PLEKHH2: variants seen among roughly 807,000 people sequenced by gnomAD.
The protein encoded by PLEKHH2 is pleckstrin homology domain-containing family H member 2.
A neutral mutation model predicts 187.9 loss-of-function variants in PLEKHH2; 129 were observed. The observed-to-expected ratio is 0.69, with a 90% CI of 0.59 to 0.79. PLEKHH2 has a LOEUF of 0.79. PLEKHH2 is among the 30% of genes least tolerant of loss of function. The probability of loss-of-function intolerance (pLI) is 0.00; values close to 1 mark genes in which losing one functional copy is unlikely to be tolerated. For synonymous variants in PLEKHH2, 686 were observed against 605.6 expected, an observed-to-expected ratio of 1.13 and a Z score of -1.95; for missense variants, 2,076 against 1,751.2, an observed-to-expected ratio of 1.19 and a Z score of -3.31.
intron 2 of PLEKHH2, among the ~76,000 whole-genome samples, chr2:43,660,605 G>A (rs1667022389): frequency 7.3e-6 from 1 of 137,516 alleles, no homozygotes; most frequent in South Asian, 2.4e-4. Context: ...ATCTCCCAAT[G>A]CCACCCCTCC....
intron 2 of PLEKHH2, among the ~76,000 whole-genome samples, chr2:43,672,169 A>C (rs752162301): frequency 9.2e-5 from 14 of 152,278 alleles, no homozygotes; most frequent in Admixed American, 1.3e-4. Context: ...TATGGGCATG[A>C]AGTATTTCAT....
chr2:43,654,279 C>G (rs144272564), intron 2 of PLEKHH2, among the ~76,000 whole-genome samples: 3,495 of 151,576 alleles, frequency 0.023, 50 homozygotes, highest in South Asian at 0.06. Flanking sequence ...ACTGCAACCT[C>G]CACCTCCCCG....
chr2:43,699,386 T>TA (rs950593370), intron 7 of PLEKHH2, among the ~76,000 whole-genome samples: 7 of 151,848 alleles, frequency 4.6e-5, no homozygotes, highest in Non-Finnish European at 7.4e-5. Context: ...TTTATTCCTT[T>TA]AAAAAAAATA....
chr2:43,672,396 T>G (rs1427995846), intron 2 of PLEKHH2, among the ~76,000 whole-genome samples: 3 of 152,206 alleles, frequency 2.0e-5, no homozygotes, highest in Admixed American at 2.0e-4. Flanking sequence ...TAATCTTTAT[T>G]GTTAGTTTTT....
intron 26 of PLEKHH2, among the ~76,000 whole-genome samples, chr2:43,758,626 G>A (rs997586554): frequency 6.6e-6 from 1 of 152,118 alleles, no homozygotes; most frequent in Non-Finnish European, 1.5e-5. Context: ...AAGTTTTGAT[G>A]GTAGATATTC....
Position 43,692,517 on chromosome 2 carries a change from C to A in PLEKHH2, c.190C>A (p.Gln64Lys), listed in dbSNP as rs1668850022. ...RQAEKAFQQV[Q>K]VMEDKLKAAN... ...ATATTTTATCCTTTGAATTTAGGTA[C>A]AAGTTATGGAAGATAAATTAAAAGC... The change falls in exon 4 of 30, where the codon CAA becomes AAA. Residue 64 changes from glutamine to lysine, a missense_variant. Transcript: ENST00000282406. The A allele has an allele frequency of 1.3e-6, 2 of 1,562,966 alleles. No homozygotes were observed. Among genetic ancestry groups the A allele is most frequent in the African/African-American group, 2.7e-5 (2 of 72,950 alleles).
chr2:43,718,598 C>T (rs1225333139), intron 15 of PLEKHH2, among the ~76,000 whole-genome samples: 1 of 152,032 alleles, frequency 6.6e-6, no homozygotes, highest in Admixed American at 6.6e-5. Flanking sequence ...TAAAACACAG[C>T]TTTTACAGTG....
chr2:43,670,395 A>G (rs1245147634), intron 2 of PLEKHH2, among the ~76,000 whole-genome samples: 3 of 152,222 alleles, frequency 2.0e-5, no homozygotes, highest in Non-Finnish European at 2.9e-5. Flanking sequence ...AATGAGGTTC[A>G]GTCAACTAGA....
At chr2:43,675,792 T>A (rs781759292) in intron 2 of PLEKHH2, 2 of 1,613,830 alleles carry the variant, frequency 1.2e-6, no homozygotes, top group Non-Finnish European at 1.7e-6. Flanking sequence ...CAGTCACGTA[T>A]TCGAGGTCTC....
intron 27 of PLEKHH2, among the ~76,000 whole-genome samples, chr2:43,761,109 C>T (rs141797816): frequency 2.6e-5 from 4 of 152,262 alleles, no homozygotes; most frequent in African/African-American, 9.6e-5. Context: ...GCAAATCAGC[C>T]CTCAGTAGAC....
chr2:43,738,491 C>G lies in PLEKHH2; in HGVS notation c.3094C>G (p.Gln1032Glu). 1.2e-6 allele frequency: 2 copies of G among 1,613,124 alleles called. No individual in the cohort carries two copies. Among genetic ancestry groups the G allele is most frequent in the Non-Finnish European group, 8.5e-7 (1 of 1,179,386 alleles). ...GCTTATTAAACAGACAAGACGAAGA[C>G]AGCCACAGAATCAACCAGGACCATT... is the stretch of plus-strand genomic sequence containing the variant. ...CQLIKQTRRR[Q>E]PQNQPGPLQG... is the part of the protein sequence containing the mutation. The change falls in exon 20 of 30, where the codon CAG (glutamine) becomes GAG (glutamate). Residue 1032 changes from glutamine to glutamate, a missense_variant. By Grantham distance (29) the Gln-to-Glu change is conservative. Transcript: ENST00000282406.
At chr2:43,679,451 G>A in intron 3 of PLEKHH2, 9 of 320,140 alleles carry the variant, frequency 2.8e-5, no homozygotes, top group South Asian at 1.9e-4. Flanking sequence ...TTTAACAAAT[G>A]TTTACAATTG....
In PLEKHH2 at chr2:43,692,680, T is replaced by G; in HGVS notation, c.336+17T>G. On this transcript the variant is annotated intron_variant, in intron 4 of 29. Transcript: ENST00000282406. ...GAAGAGCAGGTTAGGAAGAATTTGA[T>G]AAAGAGTTCTAAGTGTGTGCACTCA... 1 of 1,607,712 alleles carries G rather than the reference T, an allele frequency of 6.2e-7. No homozygotes were observed.
chr2:43,648,124 G>A (rs980171048), intron 2 of PLEKHH2, among the ~76,000 whole-genome samples: 13 of 152,160 alleles, frequency 8.5e-5, no homozygotes, highest in African/African-American at 2.9e-4. Flanking sequence ...GCAGCTAATA[G>A]AGCGTCTGGC....
At chr2:43,731,696 C>T (rs1216503867) in intron 19 of PLEKHH2, 94 bp downstream of exon 19, 5 of 765,476 alleles carry the variant, frequency 6.5e-6, no homozygotes, top group Middle Eastern at 3.7e-4. Context: ...TTTTGGGTTA[C>T]AAAATTTTAC....
Position 43,762,291 on chromosome 2 carries a change from C to T in PLEKHH2, c.4072-13C>T. 1.9e-6 allele frequency: 3 copies of T among 1,584,782 alleles called. No homozygotes were observed. Among genetic ancestry groups the T allele is most frequent in the Non-Finnish European group, 2.6e-6 (3 of 1,154,010 alleles). Reference sequence around the variant, plus strand: ...TAGTATTTATAATATAGTGTATTTTCACCTCTTCATAGCCCATAACTCCAT... The same window carrying T: ...TAGTATTTATAATATAGTGTATTTTTACCTCTTCATAGCCCATAACTCCAT... On this transcript the variant is annotated splice_polypyrimidine_tract_variant and intron_variant, in intron 27 of 29. Coordinates refer to ENST00000282406, the MANE Select transcript of PLEKHH2 (RefSeq NM_172069.4).
At chr2:43,712,632 G>A (rs1670022350) in intron 15 of PLEKHH2, among the ~76,000 whole-genome samples, 1 of 152,160 alleles carries the variant, frequency 6.6e-6, no homozygotes, top group Admixed American at 6.5e-5. Context: ...TTAAAAGAAG[G>A]ATTGAAAAAC....
chr2:43,758,993 G>C lies in PLEKHH2; in HGVS notation c.4035G>C (p.Lys1345Asn). 6.2e-7 allele frequency: 1 copy of C among 1,612,908 alleles called. No individual in the cohort carries two copies. Among genetic ancestry groups the C allele is most frequent in the Non-Finnish European group, 8.5e-7 (1 of 1,179,088 alleles). Residue 1345 changes from lysine (K) to asparagine (N), a missense_variant, in exon 27 of 30, where the codon AAG (lysine) becomes AAC (asparagine). By Grantham distance (94) the Lys-to-Asn change is moderately conservative. Transcript: ENST00000282406. Reference protein sequence around the residue: ...CVRIYLTVARKWPFFGAKLFL... With the variant: ...CVRIYLTVARNWPFFGAKLFL... ...GCATTTATTTGACAGTAGCCAGGAA[G>C]TGGCCATTCTTTGGTGCCAAGTTGT...
At chr2:43,761,011 T>C (rs2104627918) in intron 27 of PLEKHH2, among the ~76,000 whole-genome samples, 1 of 152,348 alleles carries the variant, frequency 6.6e-6, no homozygotes, top group African/African-American at 2.4e-5. Flanking sequence ...TGTAGGTATA[T>C]ATATACCACA....
Sources: gnomAD v4.1 joint callset for allele counts (sites outside exome capture counted in the v4.1 genomes callset) on GRCh38, gnomAD v4.1.1 for gene constraint, MANE v1.5 for transcripts, NCBI Gene and HGNC (gene_info 2026-07-23, HGNC 2026-07-21) for gene names.